The following RFPL2 variants were observed in gnomAD, a reference collection of about 807,000 sequenced individuals.
RFPL2 encodes ret finger protein like 2, also known as ret finger protein-like 2.
In RFPL2, 13 loss-of-function variants were observed where a neutral mutation model predicts 17.8. The ratio of observed to expected loss-of-function variants is 0.73; its 90% confidence interval spans 0.47 to 1.16. The LOEUF (loss-of-function observed/expected upper bound fraction) is 1.16, where lower values mean the gene tolerates loss of function less well. RFPL2 is among the 50% of genes most tolerant of loss of function. The pLI, the probability that RFPL2 is intolerant of heterozygous loss-of-function variation, is 0.00. For synonymous variants in RFPL2, 189 were observed against 180.9 expected (o/e 1.04, Z -0.36); for missense variants, 431 against 479.3 (o/e 0.90, Z 0.94).
intron 2 of RFPL2, chr22:32,200,317 G>C (rs1173249669): frequency 8.4e-6 from 2 of 236,972 alleles, no homozygotes; most frequent in Non-Finnish European, 1.7e-5. Flanking sequence ...AAATCATCCA[G>C]CCCTTCTCCC....
rs1298468555 is a variant in RFPL2, at chr22:32,202,734, T to G, written c.-99-184A>C. On this transcript the variant is annotated intron_variant, in intron 1 of 4. Transcript: ENST00000652607. Reference sequence around the variant, plus strand: ...ACTGCAGACACCACAGTGCCCGGGCTTCCCACTCCACAGGAACAGCTGCAG... The same window carrying G: ...ACTGCAGACACCACAGTGCCCGGGCGTCCCACTCCACAGGAACAGCTGCAG... The G allele has an allele frequency of 2.5e-5, 29 of 1,175,210 alleles. 1 individual carries two copies. The East Asian group carries it at 7.1e-4, about 29-fold the overall frequency. The allele number at this position is 1,175,210 out of a possible 1,614,324, so 72.8% of individuals were successfully genotyped here. A position where few individuals can be genotyped will look rare whatever the true frequency, so the allele number is the denominator to read the frequency against.
At position 32,193,185 on chromosome 22, in the gene RFPL2, C is replaced by A. The variant is rs1245709274; in HGVS notation, c.273G>T (p.Met91Ile). ...TGCTTGCTTCTTGGAAGAGTGCAGC[C>A]ATGTCCACTGCCAGGGGAAAAGTAC... ...DRGASSRRVDMAALFQEASSC... is the reference protein window; with the variant it reads ...DRGASSRRVDIAALFQEASSC... Residue 91 changes from methionine to isoleucine, a missense_variant, in exon 4 of 5, where the codon ATG becomes ATT. Transcript: ENST00000652607. 1.9e-6 allele frequency: 3 copies of A among 1,613,790 alleles called. No individual in the cohort carries two copies. The highest frequency in any genetic ancestry group is 1.7e-6 in the Non-Finnish European group (2 of 1,179,870).
intron 3 of RFPL2, 49 bp from the exon 4 acceptor site, chr22:32,193,241 G>A (rs1338709563): frequency 1.2e-6 from 2 of 1,613,856 alleles, no homozygotes; most frequent in Non-Finnish European, 8.5e-7. Context: ...TGAGGTGAAA[G>A]CCTGTTAGTT....
intron 4 of RFPL2, among the ~76,000 whole-genome samples, chr22:32,192,327 G>C (rs1474110411): frequency 2.0e-5 from 3 of 152,176 alleles, no homozygotes; most frequent in African/African-American, 7.2e-5. Flanking sequence ...TCTGTAGCCA[G>C]GACCACTGTT....
chr22:32,195,601 A>G (rs1923235678), intron 2 of RFPL2, among the ~76,000 whole-genome samples: 1 of 151,258 alleles, frequency 6.6e-6, no homozygotes, highest in Non-Finnish European at 1.5e-5. Flanking sequence ...GATTACAGGC[A>G]TGTGCCACCA....
At chr22:32,198,176 G>T (rs987118016) in intron 2 of RFPL2, among the ~76,000 whole-genome samples, 6 of 152,080 alleles carry the variant, frequency 3.9e-5, no homozygotes, top group Non-Finnish European at 8.8e-5. Context: ...AAGAGATCAG[G>T]GTTACAACAA....
In RFPL2 at chr22:32,194,373, C is replaced by T; in HGVS notation, c.237G>A (p.Leu79=). 6.2e-7 allele frequency: 1 copy of T among 1,604,826 alleles called. No homozygotes were observed. The highest frequency in any genetic ancestry group is 1.1e-5 in the South Asian group (1 of 89,090). ...PQDLSAQWKQ[L]EDRGASSRRV... is the part of the protein sequence containing the mutation. Reference sequence around the variant, plus strand: ...TTCTGCTGGAAGCTCCTCTGTCCTCCAGCTGCTTCCACTGGGCGCTCAGGT... The same window carrying T: ...TTCTGCTGGAAGCTCCTCTGTCCTCTAGCTGCTTCCACTGGGCGCTCAGGT... Residue 79 remains leucine, a synonymous_variant, in exon 3 of 5, where the codon CTG becomes CTA. Transcript: ENST00000652607.
chr22:32,199,817 G>A lies in RFPL2; in HGVS notation c.119+2516C>T, dbSNP rs112259128. Reference sequence around the variant, plus strand: ...CTGTGGACCATGTCTGAGGGGTCCTGCACTGGCACTGAGGGGGCCTGACCC... The same window carrying A: ...CTGTGGACCATGTCTGAGGGGTCCTACACTGGCACTGAGGGGGCCTGACCC... On this transcript the variant is annotated intron_variant, in intron 2 of 4. Coordinates refer to ENST00000652607, the MANE Select transcript of RFPL2 (RefSeq NM_001394555.1). 5.4e-3 allele frequency: 2,028 copies of A among 374,030 alleles called. 41 individuals carry two copies. The highest frequency in any genetic ancestry group is 0.039 in the African/African-American group (1,779 of 45,574). The allele number at this position is 374,030 out of a possible 1,614,324, so 23.2% of individuals were successfully genotyped here. A position where few individuals can be genotyped will look rare whatever the true frequency, so the allele number is the denominator to read the frequency against.
At chr22:32,200,164 G>T in intron 2 of RFPL2, 1 of 380,874 alleles carries the variant, frequency 2.6e-6, no homozygotes. Flanking sequence ...TCCCGCAGCA[G>T]CTACAGCTGC....
At position 32,202,779 on chromosome 22, in the gene RFPL2, C is replaced by T. The variant is rs993622570; in HGVS notation, c.-99-229G>A. The T allele has an allele frequency of 3.5e-5, 38 of 1,077,912 alleles. No homozygotes were observed. The Admixed American group carries it at 6.1e-4, about 17-fold the overall frequency. 66.8% of individuals were successfully genotyped at this position (1,077,912 alleles called of 1,614,324 possible). A position where few individuals can be genotyped will look rare whatever the true frequency, so the allele number is the denominator to read the frequency against. On this transcript the variant is annotated intron_variant, in intron 1 of 4. Coordinates refer to ENST00000652607, the MANE Select transcript of RFPL2 (RefSeq NM_001394555.1). ...CTGCAGCCACCCTGGCTGCACTCCTCGGGAAGCAGGAGCAGCAGAAACTCA... is the reference window on the plus strand; with the variant it reads ...CTGCAGCCACCCTGGCTGCACTCCTTGGGAAGCAGGAGCAGCAGAAACTCA...
chr22:32,193,580 G>A, intron 3 of RFPL2: 3 of 1,074,976 alleles, frequency 2.8e-6, no homozygotes, highest in Non-Finnish European at 3.6e-6. Context: ...GGGGCTGGGA[G>A]GCCGGGCACG....
chr22:32,193,100 C>T lies in RFPL2; in HGVS notation c.358G>A (p.Val120Ile), dbSNP rs377247596. 2.6e-5 allele frequency: 42 copies of T among 1,613,798 alleles called. No individual in the cohort carries two copies. Among genetic ancestry groups the T allele is most frequent in the South Asian group, 9.9e-5 (9 of 91,074 alleles). The part of the protein sequence containing the change: ...KPMSLECGCA[V>I]CLKCINSLQK... ...AGTGAATTAATGCACTTGAGGCAGACGGCGCATCCACACTCCAGGGACATT... is the reference window on the plus strand; with the variant it reads ...AGTGAATTAATGCACTTGAGGCAGATGGCGCATCCACACTCCAGGGACATT... The change falls in exon 4 of 5, where the codon GTC (valine) becomes ATC (isoleucine). Residue 120 changes from valine (V) to isoleucine (I), a missense_variant. Transcript: ENST00000652607.
At chr22:32,202,921 C>G in intron 1 of RFPL2, 1 of 993,652 alleles carries the variant, frequency 1.0e-6, no homozygotes, top group Non-Finnish European at 1.2e-6. Context: ...CCCAGGCGGT[C>G]TCTGCAACAC....
intron 2 of RFPL2, 51 bp downstream of exon 2, chr22:32,202,282 T>A (rs1923999596): frequency 1.2e-5 from 18 of 1,552,078 alleles, no homozygotes; most frequent in Non-Finnish European, 1.5e-5. Flanking sequence ...CTCTTTCCCT[T>A]ATAAAGACTC....
intron 2 of RFPL2, among the ~76,000 whole-genome samples, chr22:32,199,136 A>T (rs1923659534): frequency 6.6e-6 from 1 of 152,142 alleles, no homozygotes; most frequent in Non-Finnish European, 1.5e-5. Context: ...GGCCCTCTCC[A>T]GGTTTCCGTG....
chr22:32,202,855 C>T (rs543271786), intron 1 of RFPL2: 1 of 1,051,584 alleles, frequency 9.5e-7, no homozygotes, highest in Non-Finnish European at 1.1e-6. Context: ...CCTGATGCCT[C>T]CTCCACCCAC....
rs570878767 is a variant in RFPL2, at chr22:32,204,939, G to A, written c.-332C>T. Reference sequence around the variant, plus strand: ...AGATAACAAAGCCCGATCAGAGTAGGCCTAGAGGTTTCTCTCATCCGATCA... The same window carrying A: ...AGATAACAAAGCCCGATCAGAGTAGACCTAGAGGTTTCTCTCATCCGATCA... On this transcript the variant is annotated 5_prime_UTR_variant, in exon 1 of 5. Coordinates refer to ENST00000652607, the MANE Select transcript of RFPL2 (RefSeq NM_001394555.1). Among the ~76,000 whole-genome samples the A allele has an allele frequency of 4.9e-4, 75 of 152,352 alleles. 2 individuals carry two copies. The South Asian group carries it at 6.8e-3, about 14-fold the overall frequency.
chr22:32,193,399 A>G, intron 3 of RFPL2: 1 of 1,535,622 alleles, frequency 6.5e-7, no homozygotes, highest in South Asian at 1.3e-5. Context: ...GTCACGAATC[A>G]TCACTGTGCT....
chr22:32,193,256 C>T, intron 3 of RFPL2, 64 bp from the exon 4 acceptor site: 3 of 1,613,424 alleles, frequency 1.9e-6, no homozygotes, highest in Middle Eastern at 1.7e-4. Context: ...TTAGTTGTGA[C>T]AAGTGACAAC....
Sources: gnomAD v4.1 joint callset for allele counts (sites outside exome capture counted in the v4.1 genomes callset) on GRCh38, gnomAD v4.1.1 for gene constraint, MANE v1.5 for transcripts, NCBI Gene and HGNC (gene_info 2026-07-23, HGNC 2026-07-21) for gene names.